MYH7B: variants seen among roughly 807,000 people sequenced by gnomAD.
The protein encoded by MYH7B is myosin-7B.
A neutral mutation model predicts 234.5 loss-of-function variants in MYH7B; 205 were observed. That is an observed-to-expected ratio of 0.87 (90% CI 0.78 to 0.98). The LOEUF (loss-of-function observed/expected upper bound fraction) is 0.98. Among genes scored for constraint, MYH7B ranks in the 50% least tolerant of loss-of-function variants. MYH7B has a pLI of 0.00. For missense variants in MYH7B, 2,652 were observed against 2,633.4 expected, an observed-to-expected ratio of 1.01 and a Z score of -0.15; for synonymous variants, 1,193 against 1,105.0, an observed-to-expected ratio of 1.08 and a Z score of -1.58.
chr20:34,989,955 C>A (rs2082110598), intron 20 of MYH7B, 36 bp downstream of exon 20: 1 of 1,612,614 alleles, frequency 6.2e-7, no homozygotes, highest in African/African-American at 1.3e-5. Context: ...CTCGGCCAGG[C>A]TCCTCCCGCC....
At chr20:34,997,000 AGG>A in intron 30 of MYH7B, 81 bp from the exon 31 acceptor site, 1 of 1,367,136 alleles carries the variant, frequency 7.3e-7, no homozygotes, top group South Asian at 1.3e-5. Flanking sequence ...CAGGGCCTGA[AGG>A]GGACTGGGGG....
chr20:34,985,023 G>T (rs2081995532), intron 12 of MYH7B, 43 bp from the exon 13 acceptor site: 1 of 1,612,036 alleles, frequency 6.2e-7, no homozygotes, highest in South Asian at 1.1e-5. Flanking sequence ...TGGGGACAGT[G>T]CTGGCTGTGC....
rs528670536 is a variant in MYH7B, at chr20:34,984,624, C to T, written c.625-68C>T. 70 of 1,440,404 alleles carry T rather than the reference C, an allele frequency of 4.9e-5. 1 individual carries two copies. In the African/African-American group the frequency reaches 8.3e-4, roughly 17 times the overall value. The allele number at this position is 1,440,404 out of a possible 1,614,324, so 89.2% of individuals were successfully genotyped here. Reference sequence around the variant, plus strand: ...TGCTGCCCGCTGCCTCCCGCTGATACCCTGCCCCACCCCGCCCTTCCCCAC... The same window carrying T: ...TGCTGCCCGCTGCCTCCCGCTGATATCCTGCCCCACCCCGCCCTTCCCCAC... On this transcript the variant is annotated intron_variant, in intron 10 of 44. Transcript: ENST00000262873.
intron 2 of MYH7B, among the ~76,000 whole-genome samples, chr20:34,961,488 A>T (rs2081697271): frequency 6.6e-6 from 1 of 152,222 alleles, no homozygotes; most frequent in Non-Finnish European, 1.5e-5. Flanking sequence ...TGCAATGTTT[A>T]TTGAGATATA....
chr20:34,956,803 C>G (rs2081640696), intron 1 of MYH7B, among the ~76,000 whole-genome samples: 1 of 152,120 alleles, frequency 6.6e-6, no homozygotes, highest in African/African-American at 2.4e-5. Context: ...ACCTGTAATC[C>G]CAGCACTTTG....
intron 10 of MYH7B, among the ~76,000 whole-genome samples, chr20:34,984,254 G>A (rs1600431126): frequency 6.6e-6 from 1 of 152,374 alleles, no homozygotes; most frequent in East Asian, 1.9e-4. Context: ...GGTCATAGTG[G>A]GAGGTTAGGG....
chr20:34,980,895 C>G, intron 8 of MYH7B, 138 bp from the exon 9 acceptor site: 1 of 1,482,158 alleles, frequency 6.7e-7, no homozygotes, highest in Non-Finnish European at 9.4e-7. Flanking sequence ...CTGACCTCCA[C>G]TAGGGACAGC....
intron 1 of MYH7B, among the ~76,000 whole-genome samples, chr20:34,956,435 C>A (rs908362174): frequency 6.6e-6 from 1 of 152,104 alleles, no homozygotes; most frequent in Admixed American, 6.5e-5. Context: ...ATGATTCCTA[C>A]CCCCCACCTC....
exon 21 of MYH7B, chr20:34,990,133 G>C (rs369541593): frequency 6.2e-7 from 1 of 1,614,108 alleles, no homozygotes; most frequent in Admixed American, 1.7e-5. Context: ...AGAATTATGC[G>C]GGCTCCTGCT....
chr20:34,979,897 G>GCGGGGCTGTGAGCGGTGGAT (rs967464855), intron 7 of MYH7B, 93 bp downstream of exon 7: 8 of 1,416,002 alleles, frequency 5.6e-6, no homozygotes, highest in South Asian at 1.3e-5. Flanking sequence ...TAGCGGTGGG[G>GCGGGGCTGTGAGCGGTGGAT]CGGGGCTGTG....
At position 34,984,711 on chromosome 20, in the gene MYH7B, CG is replaced by C. The variant is rs764132097; in HGVS notation, c.648+1del. On this transcript the variant is annotated frameshift_variant, in exon 11 of 45. Transcript: ENST00000262873. LOFTEE classifies it high-confidence loss of function. ...CCCCAGCAATTTCTGGCAACAAAGA[CG>C]GGGGTGAGTATGGGGCCAATGTCAA... 6.2e-7 allele frequency: 1 copy of C among 1,604,280 alleles called. No homozygotes were observed. Among genetic ancestry groups the C allele is most frequent in the Non-Finnish European group, 8.5e-7 (1 of 1,176,970 alleles).
At chr20:34,966,799 G>A (rs1191956794) in intron 2 of MYH7B, among the ~76,000 whole-genome samples, 4 of 152,120 alleles carry the variant, frequency 2.6e-5, no homozygotes, top group African/African-American at 9.7e-5. Context: ...GGTGAGGCAC[G>A]CCTATAGTCC....
chr20:34,987,329 A>G (rs2082048144), intron 16 of MYH7B, 42 bp downstream of exon 16: 6 of 1,603,956 alleles, frequency 3.7e-6, no homozygotes, highest in South Asian at 1.1e-5. Context: ...CCCAGACCTC[A>G]GCATCCTGTC....
intron 2 of MYH7B, among the ~76,000 whole-genome samples, chr20:34,970,864 C>T (rs917819256): frequency 5.3e-5 from 8 of 152,166 alleles, no homozygotes; most frequent in Non-Finnish European, 1.0e-4. Context: ...TTGAGAGATA[C>T]GATGGACTCC....
exon 40 of MYH7B, chr20:35,000,873 G>A (rs753899818): frequency 1.2e-6 from 2 of 1,613,154 alleles, no homozygotes. Flanking sequence ...TGAGGAGAAG[G>A]CCAAAAAGGC....
intron 28 of MYH7B, among the ~76,000 whole-genome samples, chr20:34,996,068 G>A (rs1174612389): frequency 6.6e-6 from 1 of 152,230 alleles, no homozygotes; most frequent in Admixed American, 6.5e-5. Context: ...GGAGGCAGCT[G>A]CCCTGAGCAC....
At position 34,979,502 on chromosome 20, in the gene MYH7B, G is replaced by A. The variant is rs777021250; in HGVS notation, c.198+6G>A. Reference sequence around the variant, plus strand: ...TGGAGACCAAAGACCAGAAGGTTCCGTTCCCCCTTTCCTGAGATTAGCCTC... The same window carrying A: ...TGGAGACCAAAGACCAGAAGGTTCCATTCCCCCTTTCCTGAGATTAGCCTC... On this transcript the variant is annotated splice_donor_region_variant and intron_variant, in intron 6 of 44. Transcript: ENST00000262873. The A allele has an allele frequency of 2.5e-6, 4 of 1,609,808 alleles. No homozygotes were observed. The highest frequency in any genetic ancestry group is 1.3e-5 in the African/African-American group (1 of 74,840).
Position 34,998,756 on chromosome 20 carries a change from G to A in MYH7B, c.4031G>A (p.Arg1344Gln), listed in dbSNP as rs536137110. 75 of 1,612,614 alleles carry A rather than the reference G, an allele frequency of 4.7e-5. 1 individual carries two copies. In the South Asian group the frequency reaches 5.8e-4, roughly 13 times the overall value. ...CTGGCCCACGCCGTGCAGGCTCTGC[G>A]GCACGACTGTGACCTCCTGCGGGAG... Residue 1344 changes from arginine (R) to glutamine (Q), a missense_variant, in exon 35 of 45, where the codon CGG becomes CAG. Around this residue, in one of 3 missense-constraint regions of MYH7B, gnomAD observed 2,279 missense variants for 2,211.4 expected, o/e 1.03. Transcript: ENST00000262873.
In MYH7B at chr20:35,000,990, G is replaced by A. The variant is rs757059230; in HGVS notation, c.5307G>A (p.Ala1769=). 21 of 1,613,682 alleles carry A rather than the reference G, an allele frequency of 1.3e-5. No individual in the cohort carries two copies. The highest frequency in any genetic ancestry group is 1.7e-4 in the Middle Eastern group (1 of 5,810). Reference sequence around the variant, plus strand: ...GACCAGCTCCTCCTCCCCAACAGGCGGCCATGATGGCCGAGGAGCTGAAGA... The same window carrying A: ...GACCAGCTCCTCCTCCCCAACAGGCAGCCATGATGGCCGAGGAGCTGAAGA... The change falls in exon 41 of 45, where the codon GCG becomes GCA. Residue 1769 remains alanine, a splice_region_variant and synonymous_variant. Transcript: ENST00000262873.
Sources: allele counts gnomAD v4.1 joint callset (sites outside exome capture counted in the v4.1 genomes callset), GRCh38; gene constraint gnomAD v4.1.1; regional missense constraint gnomAD v4.1.1; transcripts MANE v1.5; gene names NCBI Gene and HGNC (gene_info 2026-07-23, HGNC 2026-07-21).